ZNF630: variants seen among roughly 807,000 people sequenced by gnomAD.
ZNF630 encodes the protein dJ54B20.2 (novel KRAB box containing C2H2 type zinc finger protein).
ZNF630 carries 5 observed loss-of-function variants against 7.2 expected under a neutral mutation model. That is an observed-to-expected ratio of 0.70 (90% confidence interval 0.36 to 1.46). The LOEUF (loss-of-function observed/expected upper bound fraction) is 1.46, where lower values mean the gene tolerates loss of function less well. ZNF630 is among the 40% of genes most tolerant of loss of function. The pLI is 0.03. For synonymous variants in ZNF630, 158 were observed against 162.8 expected, an observed-to-expected ratio of 0.97 and a Z score of 0.23; for missense variants, 461 against 477.0, an observed-to-expected ratio of 0.97 and a Z score of 0.31.
In ZNF630 at chrX:48,060,185, T is replaced by G. The variant is rs782469504; in HGVS notation, c.257A>C (p.Glu86Ala). Residue 86 changes from glutamate (E) to alanine (A), a missense_variant, in exon 5 of 5, where the codon GAA becomes GCA. Coordinates refer to ENST00000276054, the MANE Select transcript of ZNF630 (RefSeq NM_001282201.2). ...WIYPDRVKGL[E>A]SSQQIISGEL... is the part of the protein sequence containing the mutation. ...TCCAGAAATGATCTGCTGGGAAGAT[T>G]CAAGGCCTTTCACTCTGTCTGAAGG... is the stretch of plus-strand genomic sequence containing the variant. 2 of 1,145,045 alleles carry G rather than the reference T, an allele frequency of 1.7e-6. No individual in the cohort carries two copies. Among genetic ancestry groups the G allele is most frequent in the African/African-American group, 1.8e-5 (1 of 54,087 alleles). The allele number at this position is 1,145,045 out of a possible 1,213,427, so 94.4% of individuals were successfully genotyped here.
chrX:48,063,530 G>T (rs1200769233), intron 2 of ZNF630, among the ~76,000 whole-genome samples: 3 of 111,189 alleles, frequency 2.7e-5, no homozygotes, highest in Non-Finnish European at 5.7e-5. Context: ...GGGAACCTTG[G>T]GAAACAGGTG....
Position 48,058,575 on chromosome X carries a change from C to T in ZNF630, c.1867G>A (p.Gly623Arg), listed in dbSNP as rs781865323. Residue 623 changes from glycine (G) to arginine (R), a missense_variant, in exon 5 of 5, where the codon GGG becomes AGG. Gly to Arg is a moderately radical substitution (Grantham distance 125). Transcript: ENST00000276054. The part of the protein sequence containing the change: ...QMITYQRRHT[G>R]EKPSRCSDCG... ...TCACTGCATCTGGAGGGTTTCTCCC[C>T]AGTGTGTCTTCTCTGATATGTAATC... The T allele has an allele frequency of 1.2e-5, 14 of 1,208,037 alleles. No individual in the cohort carries two copies. Among genetic ancestry groups the T allele is most frequent in the Non-Finnish European group, 1.3e-5 (12 of 893,034 alleles).
intron 2 of ZNF630, 49 bp downstream of exon 2, chrX:48,066,823 C>T (rs2059133215): frequency 8.4e-7 from 1 of 1,192,321 alleles, no homozygotes; most frequent in Non-Finnish European, 1.1e-6. Flanking sequence ...AACTAATTGC[C>T]CTTTCTCATT....
In ZNF630 at chrX:48,070,607, C is replaced by T. The variant is rs1179533372; in HGVS notation, c.-176+660G>A. Reference sequence around the variant, plus strand: ...CAGCCTGGGCGACAGAGTGAGACTTCGTCTAAAAAAAAAAAAAAAAAAAAA... The same window carrying T: ...CAGCCTGGGCGACAGAGTGAGACTTTGTCTAAAAAAAAAAAAAAAAAAAAA... On this transcript the variant is annotated intron_variant, in intron 1 of 4. Transcript: ENST00000276054. 1.2e-4 allele frequency among the ~76,000 whole-genome samples: 5 copies of T among 41,052 alleles called. No homozygotes were observed. The East Asian group carries it at 3.3e-3, about 27-fold the overall frequency. The allele number at this position is 41,052 out of a possible 115,157, so 35.6% of individuals were successfully genotyped here.
intron 1 of ZNF630, 133 bp downstream of exon 1, chrX:48,071,134 A>G (rs1253734249): frequency 1.8e-5 from 2 of 110,071 alleles, no homozygotes; most frequent in African/African-American, 6.7e-5. Flanking sequence ...CATAACCCAC[A>G]TACTGTTACC....
chrX:48,064,236 G>T (rs2059119807), intron 2 of ZNF630, among the ~76,000 whole-genome samples: 1 of 111,165 alleles, frequency 9.0e-6, no homozygotes, highest in African/African-American at 3.3e-5. Flanking sequence ...TAGTAGCTAT[G>T]ATTCTTCTTA....
rs782037421 is a variant in ZNF630, at chrX:48,059,275, G to T, written c.1167C>A (p.His389Gln). Residue 389 changes from histidine (H) to glutamine (Q), a missense_variant, in exon 5 of 5, where the codon CAC (histidine) becomes CAA (glutamine). Coordinates refer to ENST00000276054, the MANE Select transcript of ZNF630 (RefSeq NM_001282201.2). ...TATGAGTTATCTGGTGTATAAAAAG[G>T]TGAGACATCTCACAGAAGGCTTTCC... ...ECRKAFCEMS[H>Q]LFIHQITHTG... 2 of 1,208,438 alleles carry T rather than the reference G, an allele frequency of 1.7e-6. No homozygotes were observed. The highest frequency in any genetic ancestry group is 3.5e-5 in the South Asian group (2 of 56,879).
rs1328526765 is a variant in ZNF630 at position 48,059,477 on chromosome X, G to A, written c.965C>T (p.Thr322Ile). The change falls in exon 5 of 5, where the codon ACT (threonine) becomes ATT (isoleucine). Residue 322 changes from threonine (T) to isoleucine (I), a missense_variant. By Grantham distance (89) the Thr-to-Ile change is moderately conservative. Transcript: ENST00000276054. ...CCGGGAGAATGCTCTTCCATACTTA[G>A]TACATTCATAGGGTTTCTCCCCAGT... ...IHTGEKPYECTKYGRAFSRKS... is the reference protein window; with the variant it reads ...IHTGEKPYECIKYGRAFSRKS... 8.3e-7 allele frequency: 1 copy of A among 1,207,671 alleles called. No individual in the cohort carries two copies. The highest frequency in any genetic ancestry group is 1.1e-6 in the Non-Finnish European group (1 of 893,077).
At chrX:48,065,446 A>G in intron 2 of ZNF630, among the ~76,000 whole-genome samples, 1 of 84,397 alleles carries the variant, frequency 1.2e-5, no homozygotes, top group Non-Finnish European at 2.5e-5. Context: ...AAAAAAAAAG[A>G]AAGAAAGAAA....
chrX:48,063,585 A>T (rs781849522), intron 2 of ZNF630, among the ~76,000 whole-genome samples: 1 of 111,395 alleles, frequency 9.0e-6, no homozygotes, highest in Non-Finnish European at 1.9e-5. Flanking sequence ...AGCTGATTAC[A>T]CAGTATTGAA....
At chrX:48,064,792 A>T (rs1460817088) in intron 2 of ZNF630, among the ~76,000 whole-genome samples, 1 of 111,887 alleles carries the variant, frequency 8.9e-6, no homozygotes, top group East Asian at 2.8e-4. Flanking sequence ...TTAATGATTG[A>T]AAAAAAAGTC....
In ZNF630 at chrX:48,066,995, G is replaced by A; in HGVS notation, c.-109C>T. The A allele has an allele frequency of 1.2e-6, 1 of 865,189 alleles. No homozygotes were observed. Among genetic ancestry groups the A allele is most frequent in the African/African-American group, 2.0e-5 (1 of 50,277 alleles). 71.3% of individuals were successfully genotyped at this position (865,189 alleles called of 1,213,427 possible). A position where few individuals can be genotyped will look rare whatever the true frequency, so the allele number is the denominator to read the frequency against. On this transcript the variant is annotated 5_prime_UTR_variant, in exon 2 of 5. Coordinates refer to ENST00000276054, the MANE Select transcript of ZNF630 (RefSeq NM_001282201.2). ...CAACAGCTGGATGTGACAATGTGTT[G>A]CTTGTTAATTCATTGATGACTTGTG...
At chrX:48,063,709 G>A (rs1241034723) in intron 2 of ZNF630, among the ~76,000 whole-genome samples, 2 of 110,440 alleles carry the variant, frequency 1.8e-5, no homozygotes, top group African/African-American at 6.6e-5. Flanking sequence ...CCAACATGGT[G>A]AAACCCAGTC....
At position 48,059,225 on chromosome X, in the gene ZNF630, G is replaced by A; in HGVS notation, c.1217C>T (p.Thr406Ile). ...CCGAGGGAAGGTCTTCCCACATTCA[G>A]TACATTCATAGGGCTTCTTCCCAGT... The part of the protein sequence containing the change: ...THTGKKPYEC[T>I]ECGKTFPRKT... Residue 406 changes from threonine to isoleucine, a missense_variant, in exon 5 of 5, where the codon ACT (threonine) becomes ATT (isoleucine). Physicochemically the swap from Thr to Ile is moderately conservative, Grantham distance 89. Coordinates refer to ENST00000276054, the MANE Select transcript of ZNF630 (RefSeq NM_001282201.2). 1.7e-6 allele frequency: 2 copies of A among 1,208,493 alleles called. No individual in the cohort carries two copies. Among genetic ancestry groups the A allele is most frequent in the Admixed American group, 2.2e-5 (1 of 45,900 alleles).
At chrX:48,064,608 G>A (rs1359430962) in intron 2 of ZNF630, among the ~76,000 whole-genome samples, 3 of 111,539 alleles carry the variant, frequency 2.7e-5, no homozygotes, top group South Asian at 7.4e-4. Flanking sequence ...GACCACAGGC[G>A]CATGCCACCA....
chrX:48,069,974 C>A (rs1556910809), intron 1 of ZNF630, among the ~76,000 whole-genome samples: 1 of 108,411 alleles, frequency 9.2e-6, no homozygotes, highest in Non-Finnish European at 1.9e-5. Context: ...TCTCCTGCCT[C>A]AGCCTCCCCA....
chrX:48,069,851 T>TG (rs2059151557), intron 1 of ZNF630, among the ~76,000 whole-genome samples: 6 of 62,482 alleles, frequency 9.6e-5, no homozygotes, highest in African/African-American at 2.5e-4. Flanking sequence ...GTTTTTTTTT[T>TG]TTTTGTTTTT....
chrX:48,060,898 C>A lies in ZNF630; in HGVS notation c.63G>T (p.Glu21Asp), dbSNP rs1263786807. The A allele has an allele frequency of 8.3e-7, 1 of 1,204,273 alleles. No individual in the cohort carries two copies. Among genetic ancestry groups the A allele is most frequent in the African/African-American group, 1.8e-5 (1 of 56,685 alleles). ...EDVAVDFTQE[E>D]WQQLNPAQKT... The stretch of plus-strand genomic sequence containing the variant: ...TCTGAGCAGGATTCAACTGCTGCCA[C>A]TCTTCCTGCGTGAAGTCCACAGCCA... Residue 21 changes from glutamate to aspartate, a missense_variant, in exon 3 of 5, where the codon GAG becomes GAT. Physicochemically the swap from Glu to Asp is conservative, Grantham distance 45. Transcript: ENST00000276054.
At chrX:48,069,856 G>A (rs55634631) in intron 1 of ZNF630, among the ~76,000 whole-genome samples, 13 of 87,160 alleles carry the variant, frequency 1.5e-4, no homozygotes, top group Non-Finnish European at 2.6e-4. Flanking sequence ...TTTTTTTTTT[G>A]TTTTTTGTTT....
Sources: allele counts gnomAD v4.1 joint callset (sites outside exome capture counted in the v4.1 genomes callset), GRCh38; gene constraint gnomAD v4.1.1; transcripts MANE v1.5; gene names NCBI Gene and HGNC (gene_info 2026-07-23, HGNC 2026-07-21).